Variants in PRDM16 observed in about 807,000 individuals in gnomAD.
PRDM16 encodes the protein PR/SET domain 16.
Under a neutral mutation model 110.6 loss-of-function variants are expected in PRDM16, and 23 were observed. The observed-to-expected ratio is 0.21, with a 90% CI of 0.15 to 0.29. The LOEUF (loss-of-function observed/expected upper bound fraction) is 0.29. PRDM16 is among the 10% of genes least tolerant of loss of function. The pLI is 1.00. For synonymous variants in PRDM16, 799 were observed against 781.8 expected (o/e 1.02, Z -0.37); for missense variants, 1,615 against 1,794.3 (o/e 0.90, Z 1.81).
At chr1:3,083,373 C>A (rs1642073921) in intron 1 of PRDM16, among the ~76,000 whole-genome samples, 2 of 152,238 alleles carry the variant, frequency 1.3e-5, no homozygotes, top group Admixed American at 6.5e-5. Context: ...TGGGCTGGGC[C>A]TGGCGCTGGC....
intron 3 of PRDM16, among the ~76,000 whole-genome samples, chr1:3,257,019 G>A (rs1372817826): frequency 3.9e-5 from 6 of 152,190 alleles, no homozygotes; most frequent in Admixed American, 6.5e-5. Context: ...GATAATGGAT[G>A]GTTTTTTTAA....
Position 3,370,030 on chromosome 1 carries a change from C to G in PRDM16, c.439-15122C>G, listed in dbSNP as rs549338575. ...CAGGGAGAAGAAAGAAGGATGGGCT[C>G]GGAGAGACTGAGTCAGCTGCAGGGA... On this transcript the variant is annotated intron_variant, in intron 3 of 16. Coordinates refer to ENST00000270722, the MANE Select transcript of PRDM16 (RefSeq NM_022114.4). The surrounding 1 kb of genome is among the most constrained non-coding windows in gnomAD (Gnocchi z 4.8). Among the ~76,000 whole-genome samples, 1 of 152,126 alleles carries G rather than the reference C, an allele frequency of 6.6e-6. No homozygotes were observed. Among genetic ancestry groups the G allele is most frequent in the African/African-American group, 2.4e-5 (1 of 41,410 alleles).
At chr1:3,280,183 G>T (rs914685357) in intron 3 of PRDM16, among the ~76,000 whole-genome samples, 2 of 152,212 alleles carry the variant, frequency 1.3e-5, no homozygotes, top group African/African-American at 4.8e-5. Context: ...CCCCGAGCTG[G>T]TCACCAGCTT....
In PRDM16 at chr1:3,435,130, T is replaced by G. The variant is rs1638872562; in HGVS notation, c.*1319T>G. ...CGCCTCCCTCTCTTGGGACGCAACT[T>G]CTTCCCCACTCGGATGGGCTTTAAA... On this transcript the variant is annotated 3_prime_UTR_variant, in exon 17 of 17. Transcript: ENST00000270722. 1 of 226,882 alleles carries G rather than the reference T, an allele frequency of 4.4e-6. No homozygotes were observed. Among genetic ancestry groups the G allele is most frequent in the Non-Finnish European group, 8.8e-6 (1 of 114,152 alleles). The allele number at this position is 226,882 out of a possible 1,614,324, so 14.1% of individuals were successfully genotyped here. A position where few individuals can be genotyped will look rare whatever the true frequency, so the allele number is the denominator to read the frequency against.
chr1:3,401,772 T>G (rs1341345023), intron 5 of PRDM16, among the ~76,000 whole-genome samples: 1 of 152,174 alleles, frequency 6.6e-6, no homozygotes, highest in African/African-American at 2.4e-5. Context: ...AACACGTGCA[T>G]TCACACATGC....
intron 3 of PRDM16, among the ~76,000 whole-genome samples, chr1:3,276,211 G>A (rs886320284): frequency 6.6e-6 from 1 of 152,258 alleles, no homozygotes; most frequent in Admixed American, 6.5e-5. Context: ...CCTTGTGCGG[G>A]AGTCACTTCC....
chr1:3,177,588 G>A (rs1200640688), intron 1 of PRDM16, among the ~76,000 whole-genome samples: 1 of 152,196 alleles, frequency 6.6e-6, no homozygotes, highest in Non-Finnish European at 1.5e-5. Flanking sequence ...ATGCTCCGCG[G>A]CCCAGTCAAT....
rs35186069 is a variant in PRDM16, at chr1:3,186,429, G to A, written c.342G>A (p.Val114=). Residue 114 remains valine (V), a synonymous_variant, in exon 2 of 17, where the codon GTG becomes GTA. Coordinates refer to ENST00000270722, the MANE Select transcript of PRDM16 (RefSeq NM_022114.4). The part of the protein sequence containing the change: ...MEAGERLGPC[V]VVPRAAAKET... ...CCGGGGAGAGGCTGGGCCCCTGCGT[G>A]GTGGTGCCCCGGGCGGCGGCAAAGG... 6.5e-5 allele frequency: 102 copies of A among 1,570,940 alleles called. 1 individual carries two copies. In the African/African-American group the frequency reaches 1.3e-3, roughly 21 times the overall value.
intron 2 of PRDM16, among the ~76,000 whole-genome samples, chr1:3,199,624 G>GC (rs1638567709): frequency 6.6e-6 from 1 of 152,166 alleles, no homozygotes; most frequent in Admixed American, 6.5e-5. Context: ...GAGCTGCCGG[G>GC]CCCCCTCAAA....
intron 5 of PRDM16, among the ~76,000 whole-genome samples, chr1:3,398,593 C>T (rs772653180): frequency 6.6e-6 from 1 of 152,198 alleles, no homozygotes; most frequent in Non-Finnish European, 1.5e-5. Flanking sequence ...TAGATTAGTA[C>T]GTAGACGCCA....
At chr1:3,280,475 A>G (rs960172943) in intron 3 of PRDM16, among the ~76,000 whole-genome samples, 5 of 152,148 alleles carry the variant, frequency 3.3e-5, no homozygotes, top group Non-Finnish European at 7.4e-5. Flanking sequence ...GTCCAACCTC[A>G]CACCAGAGAA....
chr1:3,377,086 G>A (rs550923355), intron 3 of PRDM16, among the ~76,000 whole-genome samples: 43 of 152,360 alleles, frequency 2.8e-4, no homozygotes, highest in African/African-American at 9.6e-4. Context: ...GCACGTGTGC[G>A]CATGTGCCTA....
At position 3,209,417 on chromosome 1, in the gene PRDM16, C is replaced by T. The variant is rs1391521240; in HGVS notation, c.387+22943C>T. ...TGGGACGGACTGCAGCCAGCCAGCT[C>T]TCCCTTCTTCCTGGGGAGGCCTGTG... On this transcript the variant is annotated intron_variant, in intron 2 of 16. Coordinates refer to ENST00000270722, the MANE Select transcript of PRDM16 (RefSeq NM_022114.4). The surrounding 1 kb of genome is among the most constrained non-coding windows in gnomAD (Gnocchi z 4.6). Among the ~76,000 whole-genome samples, 1 of 152,226 alleles carries T rather than the reference C, an allele frequency of 6.6e-6. No homozygotes were observed. The highest frequency in any genetic ancestry group is 1.5e-5 in the Non-Finnish European group (1 of 68,044).
intron 10 of PRDM16, 41 bp from the exon 11 acceptor site, chr1:3,417,787 G>C: frequency 6.3e-7 from 1 of 1,585,250 alleles, no homozygotes; most frequent in Non-Finnish European, 8.7e-7. Flanking sequence ...AGACAGGTGA[G>C]AGTCAGCTGA....
At position 3,189,858 on chromosome 1, in the gene PRDM16, T is replaced by C. The variant is rs571596734; in HGVS notation, c.387+3384T>C. ...CGTCTCTTGAAGGATAGGTTTGAAATAAAAGTCACGTGGATTATTCTTACT... is the reference window on the plus strand; with the variant it reads ...CGTCTCTTGAAGGATAGGTTTGAAACAAAAGTCACGTGGATTATTCTTACT... On this transcript the variant is annotated intron_variant, in intron 2 of 16. Transcript: ENST00000270722. Among the ~76,000 whole-genome samples the C allele has an allele frequency of 2.0e-3, 302 of 152,302 alleles. 2 individuals carry two copies. Among genetic ancestry groups the C allele is most frequent in the African/African-American group, 6.8e-3 (283 of 41,548 alleles).
chr1:3,346,877 AACACTGTTCACCGG>A lies in PRDM16; in HGVS notation c.439-38274_439-38261del, dbSNP rs1642373279. Among the ~76,000 whole-genome samples the A allele has an allele frequency of 2.0e-5, 3 of 152,160 alleles. No homozygotes were observed. In the South Asian group the frequency reaches 6.2e-4, roughly 32 times the overall value. ...ACCAAGTGGCTCCTGAGCAGTTCCT[AACACTGTTCACCGG>A]TGCTCTGCCGCTCCCCTTTCGTGCT... is the stretch of plus-strand genomic sequence containing the variant. On this transcript the variant is annotated intron_variant, in intron 3 of 16. Transcript: ENST00000270722.
At chr1:3,313,777 C>T (rs969526961) in intron 3 of PRDM16, among the ~76,000 whole-genome samples, 1 of 152,236 alleles carries the variant, frequency 6.6e-6, no homozygotes, top group Non-Finnish European at 1.5e-5. Context: ...GCATTAGCTG[C>T]CAGTTGTAAC....
chr1:3,421,789 C>G (rs1638436127), intron 12 of PRDM16, among the ~76,000 whole-genome samples: 1 of 152,260 alleles, frequency 6.6e-6, no homozygotes, highest in African/African-American at 2.4e-5. Flanking sequence ...GGTGGACTTT[C>G]TGCAAAAGTC....
Position 3,163,632 on chromosome 1 carries a change from C to T in PRDM16, c.38-22493C>T, listed in dbSNP as rs113436636. On this transcript the variant is annotated intron_variant, in intron 1 of 16. Coordinates refer to ENST00000270722, the MANE Select transcript of PRDM16 (RefSeq NM_022114.4). ...CCAGAAGTCTGGGATCAGCTGTGGG[C>T]GGGGCGGTCCTTTGGAGGCTCTGAG... 1.9e-3 allele frequency among the ~76,000 whole-genome samples: 286 copies of T among 152,306 alleles called. 2 individuals are homozygous for T. The highest frequency in any genetic ancestry group is 6.6e-3 in the African/African-American group (273 of 41,564).
Sources: gnomAD v4.1 joint callset for allele counts (sites outside exome capture counted in the v4.1 genomes callset) on GRCh38, gnomAD v4.1.1 for gene constraint, Gnocchi (gnomAD v3.1) non-coding constraint, MANE v1.5 for transcripts, NCBI Gene and HGNC (gene_info 2026-07-23, HGNC 2026-07-21) for gene names.